The following ERG variants were observed in gnomAD, a reference collection of about 807,000 sequenced individuals.
ERG encodes ETS transcription factor ERG.
A neutral mutation model predicts 55.3 loss-of-function variants in ERG; 9 were observed. The observed-to-expected ratio is 0.16, with a 90% CI of 0.10 to 0.28. The LOEUF (loss-of-function observed/expected upper bound fraction) is 0.28, where lower values mean the gene tolerates loss of function less well. Among genes scored for constraint, ERG ranks in the 10% least tolerant of loss-of-function variants. The pLI is 1.00. For synonymous variants in ERG, 223 were observed against 237.3 expected, an observed-to-expected ratio of 0.94 and a Z score of 0.55; for missense variants, 434 against 631.6, an observed-to-expected ratio of 0.69 and a Z score of 3.35.
At chr21:38,553,276 T>C (rs764118028) in intron 2 of ERG, among the ~76,000 whole-genome samples, 1 of 152,176 alleles carries the variant, frequency 6.6e-6, no homozygotes, top group Non-Finnish European at 1.5e-5. Flanking sequence ...AAGCAACTTA[T>C]AGATTCAATG....
At chr21:38,626,948 A>G (rs1414423071) in intron 1 of ERG, among the ~76,000 whole-genome samples, 1 of 152,202 alleles carries the variant, frequency 6.6e-6, no homozygotes, top group East Asian at 1.9e-4. Flanking sequence ...TTTATAGTTT[A>G]TGTAGCCATA....
intron 1 of ERG, among the ~76,000 whole-genome samples, chr21:38,485,291 AAAG>A (rs2059272984): frequency 6.6e-6 from 1 of 152,216 alleles, no homozygotes; most frequent in Non-Finnish European, 1.5e-5. Context: ...GTAAGGATAT[AAAG>A]AATGAAAATA....
At chr21:38,566,888 G>T (rs2059926281) in intron 2 of ERG, among the ~76,000 whole-genome samples, 1 of 152,200 alleles carries the variant, frequency 6.6e-6, no homozygotes, top group Non-Finnish European at 1.5e-5. Flanking sequence ...CCAGGAATCT[G>T]CATTTTAACC....
In ERG at chr21:38,400,066, T is replaced by A. The variant is rs1481170863; in HGVS notation, c.745+508A>T. On this transcript the variant is annotated intron_variant, in intron 6 of 9. Coordinates refer to ENST00000288319, the MANE Select transcript of ERG (RefSeq NM_182918.4). The stretch of plus-strand genomic sequence containing the variant: ...TTGGCACTAATGGGCACTTGATAGA[T>A]GTTTATTTTTGCATGAATGGCATGT... The A allele has an allele frequency of 4.6e-5, 14 of 305,290 alleles. No homozygotes were observed. In the Admixed American group the frequency reaches 6.4e-4, roughly 14 times the overall value. 18.9% of individuals were successfully genotyped at this position (305,290 alleles called of 1,614,324 possible). A position where few individuals can be genotyped will look rare whatever the true frequency, so the allele number is the denominator to read the frequency against.
Position 38,423,522 on chromosome 21 carries a change from C to T in ERG, c.276G>A (p.Lys92=). ...CAACGGTGTCTGGGCTGCCCACCATCTTCCCGCCTTTGGCCACACTGCATT... is the reference window on the plus strand; with the variant it reads ...CAACGGTGTCTGGGCTGCCCACCATTTTCCCGCCTTTGGCCACACTGCATT... ...PDECSVAKGG[K]MVGSPDTVGM... Residue 92 remains lysine, a synonymous_variant, in exon 3 of 10, where the codon AAG becomes AAA. Coordinates refer to ENST00000288319, the MANE Select transcript of ERG (RefSeq NM_182918.4). 1 of 1,614,152 alleles carries T rather than the reference C, an allele frequency of 6.2e-7. No individual in the cohort carries two copies. The highest frequency in any genetic ancestry group is 8.5e-7 in the Non-Finnish European group (1 of 1,179,982).
At chr21:38,613,432 A>T (rs368532640) in intron 1 of ERG, among the ~76,000 whole-genome samples, 17 of 152,216 alleles carry the variant, frequency 1.1e-4, no homozygotes, top group Non-Finnish European at 2.4e-4. Flanking sequence ...AACTACTGTG[A>T]AAAGCAGTCC....
chr21:38,527,967 C>T (rs1360610425), intron 2 of ERG, among the ~76,000 whole-genome samples: 2 of 152,210 alleles, frequency 1.3e-5, no homozygotes, highest in African/African-American at 4.8e-5. Flanking sequence ...TGTATTTTCT[C>T]ACAGCTCTGA....
chr21:38,593,589 C>T (rs2060114242), intron 1 of ERG, among the ~76,000 whole-genome samples: 1 of 152,128 alleles, frequency 6.6e-6, no homozygotes, highest in South Asian at 2.1e-4. Context: ...GCATAGACAA[C>T]CATCTTTGCA....
chr21:38,654,513 C>T (rs887619340), intron 1 of ERG, among the ~76,000 whole-genome samples: 8 of 152,218 alleles, frequency 5.3e-5, no homozygotes, highest in Admixed American at 2.0e-4. Context: ...TACTTTGATA[C>T]CTCAAGTAGT....
At chr21:38,479,707 C>T (rs1272357498) in intron 1 of ERG, among the ~76,000 whole-genome samples, 1 of 152,196 alleles carries the variant, frequency 6.6e-6, no homozygotes, top group East Asian at 1.9e-4. Context: ...AACTGGAACA[C>T]TTTCTGTTCC....
At chr21:38,576,509 A>G (rs2059995549) in intron 1 of ERG, among the ~76,000 whole-genome samples, 1 of 152,208 alleles carries the variant, frequency 6.6e-6, no homozygotes, top group Non-Finnish European at 1.5e-5. Context: ...AAATAAATTA[A>G]ATTTAAAGAT....
At chr21:38,468,997 A>AG (rs1342679260) in intron 1 of ERG, among the ~76,000 whole-genome samples, 2 of 69,258 alleles carry the variant, frequency 2.9e-5, no homozygotes, top group East Asian at 4.6e-4. Context: ...AAAAAAAAAA[A>AG]AAAAGAAAAA....
intron 2 of ERG, among the ~76,000 whole-genome samples, chr21:38,429,665 A>G (rs183350656): frequency 0.093 from 8,142 of 87,638 alleles, 2,628 homozygotes; most frequent in East Asian, 0.11. Flanking sequence ...ATATATACAT[A>G]TATGTGTATA....
rs913108752 is a variant in ERG, at chr21:38,498,473, C to A, written c.-93G>T. The A allele has an allele frequency of 1.9e-6, 3 of 1,544,836 alleles. No homozygotes were observed. The highest frequency in any genetic ancestry group is 1.4e-5 in the African/African-American group (1 of 71,904). ...GTAGTTTTGATGAGGTTGTTTAGAG[C>A]GGATGAGATTGTGCTAAGTCTGGGA... On this transcript the variant is annotated 5_prime_UTR_variant, in exon 1 of 10. Coordinates refer to ENST00000288319, the MANE Select transcript of ERG (RefSeq NM_182918.4). The surrounding 1 kb of genome is among the most constrained non-coding windows in gnomAD (Gnocchi z 4.6).
intron 2 of ERG, among the ~76,000 whole-genome samples, chr21:38,504,454 C>A (rs2059445252): frequency 6.6e-6 from 1 of 152,158 alleles, no homozygotes; most frequent in Non-Finnish European, 1.5e-5. Flanking sequence ...AGAAAGAAAC[C>A]TAAGAGGAGA....
chr21:38,579,707 C>T (rs1052523978), intron 1 of ERG, among the ~76,000 whole-genome samples: 12 of 152,158 alleles, frequency 7.9e-5, no homozygotes, highest in African/African-American at 2.4e-4. Flanking sequence ...CAGCACGCAG[C>T]GTGATGGCAC....
chr21:38,371,560 GT>G, the ERG span, among the ~76,000 whole-genome samples: 1 of 151,830 alleles, frequency 6.6e-6, no homozygotes, highest in Non-Finnish European at 1.5e-5. Flanking sequence ...TCTTTTCTTA[GT>G]TTGCTAGTAG....
At chr21:38,494,773 C>T (rs1265222418) in intron 1 of ERG, among the ~76,000 whole-genome samples, 1 of 152,220 alleles carries the variant, frequency 6.6e-6, no homozygotes, top group South Asian at 2.1e-4. Context: ...CATTCTCAAT[C>T]CTGCTTTCCA....
chr21:38,382,463 C>A lies in ERG; in HGVS notation c.*940G>T. 3 of 1,063,054 alleles carry A rather than the reference C, an allele frequency of 2.8e-6. No homozygotes were observed. Among genetic ancestry groups the A allele is most frequent in the Non-Finnish European group, 3.4e-6 (3 of 877,620 alleles). The allele number at this position is 1,063,054 out of a possible 1,614,324, so 65.9% of individuals were successfully genotyped here. ...AATTCCAGTTAAAATTTTCATTTGA[C>A]AAACAAAGAAAGAGATGCGCATTTT... On this transcript the variant is annotated 3_prime_UTR_variant, in exon 10 of 10. Coordinates refer to ENST00000288319, the MANE Select transcript of ERG (RefSeq NM_182918.4).
Sources: gnomAD v4.1 joint callset for allele counts (sites outside exome capture counted in the v4.1 genomes callset) on GRCh38, gnomAD v4.1.1 for gene constraint, Gnocchi (gnomAD v3.1) non-coding constraint, MANE v1.5 for transcripts, NCBI Gene and HGNC (gene_info 2026-07-23, HGNC 2026-07-21) for gene names.